COL24A1: variants seen among roughly 807,000 people sequenced by gnomAD.
The protein encoded by COL24A1 is collagen type XXIV alpha 1 chain.
A neutral mutation model predicts 253.9 loss-of-function variants in COL24A1; 224 were observed. That is an observed-to-expected ratio of 0.88 (90% CI 0.79 to 0.99). The LOEUF is 0.99. Ranked by LOEUF, COL24A1 falls within the 50% of genes least tolerant of loss-of-function variation. The pLI, the probability that COL24A1 is intolerant of heterozygous loss-of-function variation, is 0.00. For missense variants in COL24A1, 2,131 were observed against 2,068.5 expected (o/e 1.03, Z -0.59); for synonymous variants, 685 against 673.7 (o/e 1.02, Z -0.26).
chr1:85,955,974 C>A (rs1294185853), intron 24 of COL24A1, among the ~76,000 whole-genome samples: 1 of 152,154 alleles, frequency 6.6e-6, no homozygotes, highest in Admixed American at 6.5e-5. Flanking sequence ...TTTTATTTTA[C>A]CCTTTTTCAC....
chr1:85,967,451 A>G lies in COL24A1; in HGVS notation c.2464-2389T>C, dbSNP rs1203840625. ...GAAAGGCAGCAGAATCAATGCACTGACATTCCTATTGGGGCTATTAGATTG... is the reference window on the plus strand; with the variant it reads ...GAAAGGCAGCAGAATCAATGCACTGGCATTCCTATTGGGGCTATTAGATTG... On this transcript the variant is annotated intron_variant, in intron 22 of 59. Coordinates refer to ENST00000370571, the MANE Select transcript of COL24A1 (RefSeq NM_152890.7). Among the ~76,000 whole-genome samples the G allele has an allele frequency of 1.3e-5, 2 of 152,172 alleles. 1 individual carries two copies.
At chr1:85,927,229 G>C (rs6667008) in intron 24 of COL24A1, among the ~76,000 whole-genome samples, 47,704 of 152,106 alleles carry the variant, frequency 0.31, 8,511 homozygotes, top group East Asian at 0.51. Flanking sequence ...TGTGCGCACC[G>C]TGCGCGAGCC....
At chr1:85,757,115 A>T (rs1470121907) in intron 55 of COL24A1, among the ~76,000 whole-genome samples, 1 of 152,144 alleles carries the variant, frequency 6.6e-6, no homozygotes, top group Non-Finnish European at 1.5e-5. Context: ...AGACAAAAAA[A>T]GTTCTAGGCA....
chr1:85,983,103 A>C (rs894956792), intron 20 of COL24A1, among the ~76,000 whole-genome samples: 1 of 152,036 alleles, frequency 6.6e-6, no homozygotes, highest in African/African-American at 2.4e-5. Flanking sequence ...AGCTTTCTAT[A>C]AAAACTTATC....
At chr1:86,062,042 C>T (rs563709425) in intron 8 of COL24A1, among the ~76,000 whole-genome samples, 1 of 151,880 alleles carries the variant, frequency 6.6e-6, no homozygotes, top group South Asian at 2.1e-4. Context: ...TAGAACAATG[C>T]GTAGAAATAT....
rs1663266680 is a variant in COL24A1, at chr1:85,729,455, G to A, written c.*1091C>T. 6.6e-6 allele frequency: 1 copy of A among 151,882 alleles called. No individual in the cohort carries two copies. Among genetic ancestry groups the A allele is most frequent in the Non-Finnish European group, 1.5e-5 (1 of 67,898 alleles). 9.4% of individuals were successfully genotyped at this position (151,882 alleles called of 1,614,324 possible). On this transcript the variant is annotated 3_prime_UTR_variant, in exon 60 of 60. Coordinates refer to ENST00000370571, the MANE Select transcript of COL24A1 (RefSeq NM_152890.7). Reference sequence around the variant, plus strand: ...TTTTCTGGATGTTGCTTTAAAGACTGGTAAATTAAAAATTTTAAAGTACTA... The same window carrying A: ...TTTTCTGGATGTTGCTTTAAAGACTAGTAAATTAAAAATTTTAAAGTACTA...
chr1:86,046,895 A>G, intron 11 of COL24A1, 26 bp from the exon 12 acceptor site: 1 of 1,272,580 alleles, frequency 7.9e-7, no homozygotes, highest in Non-Finnish European at 1.1e-6. Flanking sequence ...GAAAAAGGAA[A>G]TATTTGTTGA....
intron 5 of COL24A1, among the ~76,000 whole-genome samples, chr1:86,100,913 A>G (rs1009460596): frequency 2.0e-5 from 3 of 152,212 alleles, no homozygotes; most frequent in East Asian, 1.9e-4. Context: ...CCTGAGTTGT[A>G]TCCTTTACAA....
At chr1:85,975,731 T>C (rs893736410) in intron 20 of COL24A1, among the ~76,000 whole-genome samples, 4 of 152,128 alleles carry the variant, frequency 2.6e-5, no homozygotes, top group Admixed American at 6.6e-5. Flanking sequence ...AAGGATTTCA[T>C]AGATCCTCTG....
chr1:85,999,737 G>C (rs1359450383), intron 19 of COL24A1, among the ~76,000 whole-genome samples: 3 of 152,196 alleles, frequency 2.0e-5, no homozygotes, highest in South Asian at 4.1e-4. Context: ...TAGTTACAGA[G>C]ACTCCCATCT....
chr1:85,978,568 C>T (rs908355120), intron 20 of COL24A1, among the ~76,000 whole-genome samples: 1 of 151,308 alleles, frequency 6.6e-6, no homozygotes, highest in Non-Finnish European at 1.5e-5. Context: ...AGCAGGACCT[C>T]AATAACAGTT....
At chr1:85,826,264 G>C (rs1210423024) in intron 43 of COL24A1, among the ~76,000 whole-genome samples, 5 of 146,124 alleles carry the variant, frequency 3.4e-5, no homozygotes, top group African/African-American at 1.3e-4. Flanking sequence ...TGAGGGCTCT[G>C]TTCTGTTCCA....
chr1:86,059,529 C>T (rs2101749391), intron 8 of COL24A1, among the ~76,000 whole-genome samples: 1 of 152,204 alleles, frequency 6.6e-6, no homozygotes, highest in South Asian at 2.1e-4. Context: ...GATCATCCTA[C>T]AACACTCCTT....
chr1:86,033,683 T>C (rs1331848860), intron 13 of COL24A1, among the ~76,000 whole-genome samples, 187 bp downstream of exon 13: 2 of 152,184 alleles, frequency 1.3e-5, no homozygotes, highest in African/African-American at 4.8e-5. Context: ...AATGTCATGA[T>C]GAAATTTGAA....
intron 55 of COL24A1, among the ~76,000 whole-genome samples, chr1:85,756,057 C>CAAAAAAAAAAA (rs200030128): frequency 6.3e-5 from 6 of 95,816 alleles, no homozygotes; most frequent in African/African-American, 9.0e-5. Flanking sequence ...TACTAACAAC[C>CAAAAAAAAAAA]AAAAAAAAAA....
chr1:86,036,424 T>C (rs572377844), intron 12 of COL24A1, among the ~76,000 whole-genome samples: 1 of 150,322 alleles, frequency 6.7e-6, no homozygotes, highest in Non-Finnish European at 1.5e-5. Flanking sequence ...ATAATTTCTA[T>C]GAAATCTAGA....
chr1:85,761,419 G>A lies in COL24A1; in HGVS notation c.4414C>T (p.Pro1472Ser), dbSNP rs557759277. Residue 1472 changes from proline (P) to serine (S), a missense_variant, in exon 55 of 60, where the codon CCA becomes TCA. Coordinates refer to ENST00000370571, the MANE Select transcript of COL24A1 (RefSeq NM_152890.7). ...ACTCTTGGGCCTGGTGCTCCAGGTG[G>A]ACCCTAGAACACAGCAAATTAAAAA... ...GPRGQPGPPGPPGAPGPRKQM... is the reference protein window; with the variant it reads ...GPRGQPGPPGSPGAPGPRKQM... 9.3e-6 allele frequency: 15 copies of A among 1,613,968 alleles called. No individual in the cohort carries two copies. In the Admixed American group the frequency reaches 1.5e-4, roughly 16 times the overall value.
intron 39 of COL24A1, among the ~76,000 whole-genome samples, chr1:85,844,784 T>C (rs1676991074): frequency 2.0e-5 from 3 of 151,920 alleles, no homozygotes; most frequent in Admixed American, 2.0e-4. Context: ...TTCCAGAAGA[T>C]ACAAAATTTG....
chr1:85,988,027 GACTC>G (rs1461485131), intron 19 of COL24A1, among the ~76,000 whole-genome samples: 1 of 151,352 alleles, frequency 6.6e-6, no homozygotes, highest in African/African-American at 2.4e-5. Context: ...TACTTTGTTG[GACTC>G]ACTATTTACT....
Sources: gnomAD v4.1 joint callset for allele counts (sites outside exome capture counted in the v4.1 genomes callset) on GRCh38, gnomAD v4.1.1 for gene constraint, MANE v1.5 for transcripts, NCBI Gene and HGNC (gene_info 2026-07-23, HGNC 2026-07-21) for gene names.